The following ZNF25 variants were observed in gnomAD, a reference collection of about 807,000 sequenced individuals.
ZNF25 encodes zinc finger protein 25.
Under a neutral mutation model 30.9 loss-of-function variants are expected in ZNF25, and 21 were observed. The ratio of observed to expected loss-of-function variants is 0.68; its 90% CI spans 0.48 to 0.98. The LOEUF (loss-of-function observed/expected upper bound fraction) is 0.98. Among genes scored for constraint, ZNF25 ranks in the 50% least tolerant of loss-of-function variants. ZNF25 has a pLI of 0.00. For synonymous variants in ZNF25, 169 were observed against 181.3 expected (o/e 0.93, Z 0.55); for missense variants, 501 against 529.9 (o/e 0.95, Z 0.54).
chr10:37,970,400 G>C (rs1190466503), intron 2 of ZNF25, among the ~76,000 whole-genome samples: 2 of 152,018 alleles, frequency 1.3e-5, no homozygotes, highest in Non-Finnish European at 2.9e-5. Context: ...AAAAGCAGAA[G>C]AACATTTGAC....
Position 37,951,405 on chromosome 10 carries a change from T to A in ZNF25, c.*722A>T, listed in dbSNP as rs571054110. 5.9e-5 allele frequency: 9 copies of A among 152,452 alleles called. No homozygotes were observed. Among genetic ancestry groups the A allele is most frequent in the African/African-American group, 1.9e-4 (8 of 41,590 alleles). 9.4% of individuals were successfully genotyped at this position (152,452 alleles called of 1,614,324 possible). A position where few individuals can be genotyped will look rare whatever the true frequency, so the allele number is the denominator to read the frequency against. The stretch of plus-strand genomic sequence containing the variant: ...TATATGCTAACAGACATTTAATGTA[T>A]GTTTAATGATGTTGCCTGATAACTT... On this transcript the variant is annotated 3_prime_UTR_variant, in exon 6 of 6. Transcript: ENST00000302609.
intron 4 of ZNF25, among the ~76,000 whole-genome samples, chr10:37,955,876 G>A (rs1308107000): frequency 6.6e-6 from 1 of 151,990 alleles, no homozygotes; most frequent in Non-Finnish European, 1.5e-5. Context: ...TAGAGACAGG[G>A]TTTCACCATG....
chr10:37,957,957 GT>G (rs1198612335), intron 2 of ZNF25, among the ~76,000 whole-genome samples: 16 of 152,134 alleles, frequency 1.1e-4, no homozygotes, highest in Admixed American at 1.0e-3. Context: ...CACTGTACAG[GT>G]TTGTAGCCTA....
In ZNF25 at chr10:37,976,489, A is replaced by G. The variant is rs2063827823; in HGVS notation, c.-86+17T>C. ...CGCCTCCCAGGCCCTGCCCGCCCGC[A>G]AAAGCCTTCGACACACCTGCAGGGT... On this transcript the variant is annotated intron_variant, in intron 1 of 5. Coordinates refer to ENST00000302609, the MANE Select transcript of ZNF25 (RefSeq NM_145011.4). 6.6e-6 allele frequency: 1 copy of G among 152,126 alleles called. No individual in the cohort carries two copies. The highest frequency in any genetic ancestry group is 2.4e-5 in the African/African-American group (1 of 41,420). The allele number at this position is 152,126 out of a possible 1,614,324, so 9.4% of individuals were successfully genotyped here.
rs1400540482 is a variant in ZNF25 at position 37,972,398 on chromosome 10, T to C, written c.-85-591A>G. On this transcript the variant is annotated intron_variant, in intron 1 of 5. Transcript: ENST00000302609. ...GTGATTGTCTTAGTTTCAATGCTTTTGTCTTCAAAATGAGTAGGAATTAGA... is the reference window on the plus strand; with the variant it reads ...GTGATTGTCTTAGTTTCAATGCTTTCGTCTTCAAAATGAGTAGGAATTAGA... Among the ~76,000 whole-genome samples, 5 of 152,332 alleles carry C rather than the reference T, an allele frequency of 3.3e-5. No individual in the cohort carries two copies. The East Asian group carries it at 7.7e-4, about 24-fold the overall frequency.
At chr10:37,968,337 T>C (rs546105915) in intron 2 of ZNF25, among the ~76,000 whole-genome samples, 4 of 151,266 alleles carry the variant, frequency 2.6e-5, no homozygotes, top group African/African-American at 9.7e-5. Flanking sequence ...ATTACAGGCA[T>C]GAGCCACTGC....
chr10:37,949,848 T>C lies in ZNF25; in HGVS notation c.*2279A>G, dbSNP rs995372758. Reference sequence around the variant, plus strand: ...AACAAAGGAATACTGTGGGGCAGTATCAATGAACAATTCGACTTAATTTAG... The same window carrying C: ...AACAAAGGAATACTGTGGGGCAGTACCAATGAACAATTCGACTTAATTTAG... On this transcript the variant is annotated 3_prime_UTR_variant, in exon 6 of 6. Coordinates refer to ENST00000302609, the MANE Select transcript of ZNF25 (RefSeq NM_145011.4). 6.6e-6 allele frequency: 1 copy of C among 152,600 alleles called. No homozygotes were observed. The highest frequency in any genetic ancestry group is 2.4e-5 in the African/African-American group (1 of 41,424). The allele number at this position is 152,600 out of a possible 1,614,324, so 9.5% of individuals were successfully genotyped here.
chr10:37,974,477 A>G (rs1055498792), intron 1 of ZNF25, among the ~76,000 whole-genome samples: 6 of 152,238 alleles, frequency 3.9e-5, no homozygotes, highest in African/African-American at 1.4e-4. Flanking sequence ...ACATTCCACA[A>G]TAGAAGACAT....
intron 2 of ZNF25, among the ~76,000 whole-genome samples, chr10:37,957,883 T>C (rs1000301271): frequency 2.0e-5 from 3 of 152,238 alleles, no homozygotes; most frequent in Admixed American, 2.0e-4. Flanking sequence ...CTGTTTTCTA[T>C]GTTTAGATAC....
chr10:37,960,623 C>CAAAAAAAAAA (rs201582068), intron 2 of ZNF25, among the ~76,000 whole-genome samples: 13 of 65,668 alleles, frequency 2.0e-4, no homozygotes, highest in Non-Finnish European at 2.8e-4. Flanking sequence ...GACTCCATCT[C>CAAAAAAAAAA]AAAAAAAAAA....
intron 2 of ZNF25, among the ~76,000 whole-genome samples, chr10:37,961,251 G>A (rs756788052): frequency 2.2e-4 from 34 of 152,198 alleles, no homozygotes; most frequent in African/African-American, 5.3e-4. Flanking sequence ...CATTTTATTC[G>A]TTGAAATACA....
At position 37,967,171 on chromosome 10, in the gene ZNF25, T is replaced by C. The variant is rs28800635; in HGVS notation, c.15+4537A>G. ...AAACCAGTCCCTATCAAACTCCCAA[T>C]GGCTTTTGCACAGAAATGGAAAAGA... On this transcript the variant is annotated intron_variant, in intron 2 of 5. Coordinates refer to ENST00000302609, the MANE Select transcript of ZNF25 (RefSeq NM_145011.4). Among the ~76,000 whole-genome samples the C allele has an allele frequency of 6.4e-3, 974 of 152,246 alleles. 4 individuals are homozygous for C. Among genetic ancestry groups the C allele is most frequent in the African/African-American group, 0.016 (652 of 41,552 alleles).
chr10:37,957,058 C>T lies in ZNF25; in HGVS notation c.200G>A (p.Trp67Ter). 4.3e-6 allele frequency: 7 copies of T among 1,614,124 alleles called. No homozygotes were observed. Among genetic ancestry groups the T allele is most frequent in the Non-Finnish European group, 5.9e-6 (7 of 1,180,026 alleles). ...VFKLKQGKEP[W>*]ILEVEFPHRG... ...ATGTGGAAATTCTACTTCTAATATC[C>T]ATGGCTCTTTTCCTTGCTTCAACTT... is the stretch of plus-strand genomic sequence containing the variant. The change falls in exon 4 of 6, where the codon TGG becomes TAG. Residue 67 changes from tryptophan (W) to a stop codon, truncating the protein, a stop_gained. Transcript: ENST00000302609. LOFTEE classifies it high-confidence loss of function.
intron 4 of ZNF25, among the ~76,000 whole-genome samples, chr10:37,955,044 C>T (rs1188072781): frequency 6.6e-6 from 1 of 151,934 alleles, no homozygotes; most frequent in African/African-American, 2.4e-5. Context: ...ATCCCAGCTA[C>T]TCAAGAGGCT....
At chr10:37,969,056 T>C (rs1420729339) in intron 2 of ZNF25, among the ~76,000 whole-genome samples, 1 of 151,974 alleles carries the variant, frequency 6.6e-6, no homozygotes, top group South Asian at 2.1e-4. Flanking sequence ...TCTAAAGAAA[T>C]GCAATGCAAA....
chr10:37,967,634 C>G (rs2063261778), intron 2 of ZNF25, among the ~76,000 whole-genome samples: 1 of 152,132 alleles, frequency 6.6e-6, no homozygotes, highest in Non-Finnish European at 1.5e-5. Context: ...TTTCAAATTC[C>G]TGGGCTCAAG....
At chr10:37,969,536 CACTT>C (rs2063371988) in intron 2 of ZNF25, among the ~76,000 whole-genome samples, 1 of 152,156 alleles carries the variant, frequency 6.6e-6, no homozygotes, top group African/African-American at 2.4e-5. Flanking sequence ...TGTATGATCT[CACTT>C]ACACGAAATA....
intron 2 of ZNF25, among the ~76,000 whole-genome samples, chr10:37,960,649 G>C (rs983159909): frequency 3.3e-5 from 3 of 89,948 alleles, no homozygotes; most frequent in East Asian, 3.3e-4. Flanking sequence ...AAAAAACAAA[G>C]AAGCTGTGGG....
intron 1 of ZNF25, among the ~76,000 whole-genome samples, chr10:37,973,810 C>T (rs2063640686): frequency 6.6e-6 from 1 of 151,696 alleles, no homozygotes; most frequent in African/African-American, 2.4e-5. Context: ...CACCAAAGAC[C>T]CCGAGTAGCC....
Sources: allele counts gnomAD v4.1 joint callset (sites outside exome capture counted in the v4.1 genomes callset), GRCh38; gene constraint gnomAD v4.1.1; transcripts MANE v1.5; gene names NCBI Gene and HGNC (gene_info 2026-07-23, HGNC 2026-07-21).